The following PHLPP2 variants were observed in gnomAD, a reference collection of about 807,000 sequenced individuals.
PHLPP2 encodes the protein PH domain and leucine rich repeat protein phosphatase 2, also known as PH domain leucine-rich repeat-containing protein phosphatase 2.
PHLPP2 carries 66 observed loss-of-function variants against 124.9 expected under a neutral mutation model. The ratio of observed to expected loss-of-function variants is 0.53; its 90% CI spans 0.43 to 0.65. The LOEUF (loss-of-function observed/expected upper bound fraction) is 0.65. Among genes scored for constraint, PHLPP2 ranks in the 30% least tolerant of loss-of-function variants. PHLPP2 has a pLI of 0.00. For synonymous variants in PHLPP2, 681 were observed against 624.7 expected (o/e 1.09, Z -1.34); for missense variants, 1,685 against 1,600.4 (o/e 1.05, Z -0.90).
intron 1 of PHLPP2, among the ~76,000 whole-genome samples, chr16:71,721,302 C>A (rs2045396770): frequency 6.7e-6 from 1 of 149,260 alleles, no homozygotes; most frequent in Admixed American, 6.7e-5. Flanking sequence ...AGAGGCTCTG[C>A]CTCAAAAAAA....
At chr16:71,662,503 C>T (rs1044225163) in intron 13 of PHLPP2, among the ~76,000 whole-genome samples, 2 of 152,024 alleles carry the variant, frequency 1.3e-5, no homozygotes, top group South Asian at 2.1e-4. Flanking sequence ...AAGGTTGAGG[C>T]AGGAGAATCA....
At chr16:71,674,251 G>T (rs953405331) in intron 9 of PHLPP2, among the ~76,000 whole-genome samples, 1 of 151,894 alleles carries the variant, frequency 6.6e-6, no homozygotes, top group Middle Eastern at 3.2e-3. Flanking sequence ...CTAATTTTTT[G>T]TATTTTTAGT....
Position 71,678,545 on chromosome 16 carries a change from T to C in PHLPP2, c.1268+210A>G, listed in dbSNP as rs1235095007. 1.5e-5 allele frequency: 8 copies of C among 517,106 alleles called. No homozygotes were observed. The East Asian group carries it at 2.7e-4, about 17-fold the overall frequency. 32.0% of individuals were successfully genotyped at this position (517,106 alleles called of 1,614,324 possible). A position where few individuals can be genotyped will look rare whatever the true frequency, so the allele number is the denominator to read the frequency against. On this transcript the variant is annotated intron_variant, in intron 8 of 18. Coordinates refer to ENST00000568954, the MANE Select transcript of PHLPP2 (RefSeq NM_015020.3). ...GTCCCAACTACTCGGGAGGCTGAGG[T>C]GGGAGAATCGCCTGAGAACGGGAGG...
chr16:71,718,673 C>A lies in PHLPP2; in HGVS notation c.-6-3872G>T, dbSNP rs75197080. Among the ~76,000 whole-genome samples, 117 of 151,530 alleles carry A rather than the reference C, an allele frequency of 7.7e-4. 2 individuals are homozygous for A. Among genetic ancestry groups the A allele is most frequent in the Middle Eastern group, 3.4e-3 (1 of 292 alleles). ...TTGAGGTCAGGGGTTCAAGACCAGCCTGGGCAACATAGTGAAACCGCGTCT... is the reference window on the plus strand; with the variant it reads ...TTGAGGTCAGGGGTTCAAGACCAGCATGGGCAACATAGTGAAACCGCGTCT... On this transcript the variant is annotated intron_variant, in intron 1 of 18. Transcript: ENST00000568954.
chr16:71,667,352 A>G lies in PHLPP2; in HGVS notation c.1629-19T>C. On this transcript the variant is annotated intron_variant, in intron 11 of 18. Coordinates refer to ENST00000568954, the MANE Select transcript of PHLPP2 (RefSeq NM_015020.3). ...CAGAATTCTAAGGGGGGAGCATACAAACAAACACATTAAAAACTTACTTAA... is the reference window on the plus strand; with the variant it reads ...CAGAATTCTAAGGGGGGAGCATACAGACAAACACATTAAAAACTTACTTAA... 1 of 1,591,334 alleles carries G rather than the reference A, an allele frequency of 6.3e-7. No individual in the cohort carries two copies. The highest frequency in any genetic ancestry group is 8.6e-7 in the Non-Finnish European group (1 of 1,161,910).
intron 1 of PHLPP2, among the ~76,000 whole-genome samples, chr16:71,716,212 C>T (rs1366394355): frequency 2.6e-5 from 4 of 152,158 alleles, no homozygotes; most frequent in Non-Finnish European, 5.9e-5. Context: ...CTGTTGACAG[C>T]ATTCAGTTTG....
intron 2 of PHLPP2, 23 bp from the exon 3 acceptor site, chr16:71,702,754 T>A (rs767036785): frequency 1.4e-4 from 215 of 1,512,470 alleles, no homozygotes; most frequent in Non-Finnish European, 1.5e-4. Context: ...TTCAAAAAAA[T>A]ATATATATTT....
rs1338625690 is a variant in PHLPP2 at position 71,714,652 on chromosome 16, G to C, written c.144C>G (p.Thr48=). 4 of 1,613,342 alleles carry C rather than the reference G, an allele frequency of 2.5e-6. No homozygotes were observed. The highest frequency in any genetic ancestry group is 1.1e-5 in the South Asian group (1 of 91,030). Residue 48 remains threonine (T), a synonymous_variant, in exon 2 of 19, where the codon ACC becomes ACG. Coordinates refer to ENST00000568954, the MANE Select transcript of PHLPP2 (RefSeq NM_015020.3). Reference sequence around the variant, plus strand: ...AGGAGGAGGAAGAGGAAGAGGAGGTGGTGGTGGTTGTAGTGGCAGTGGTAG... The same window carrying C: ...AGGAGGAGGAAGAGGAAGAGGAGGTCGTGGTGGTTGTAGTGGCAGTGGTAG... ...ADTTTATTTT[T]TSSSSSSSSS... is the part of the protein sequence containing the mutation.
Position 71,678,919 on chromosome 16 carries a change from T to A in PHLPP2, c.1104A>T (p.Gln368His), listed in dbSNP as rs1325935743. The A allele has an allele frequency of 6.2e-7, 1 of 1,613,002 alleles. No individual in the cohort carries two copies. Among genetic ancestry groups the A allele is most frequent in the Admixed American group, 1.7e-5 (1 of 60,012 alleles). The change falls in exon 8 of 19, where the codon CAA becomes CAT. Residue 368 changes from glutamine to histidine, a missense_variant. By Grantham distance (24) the Gln-to-His change is conservative. Transcript: ENST00000568954. The part of the protein sequence containing the change: ...TTLPEELGNL[Q>H]QLSSLGISFN... ...AGGAAATTCCCAAGGAGGAAAGCTG[T>A]TGTAGATTTCCCAATTCTTCAGGTA...
chr16:71,681,855 C>T lies in PHLPP2; in HGVS notation c.786G>A (p.Glu262=). ...TATAGAAGAGATGCTCAGGAACCTCCTCGAGGCTGTAACACGAGAGATCCA... is the reference window on the plus strand; with the variant it reads ...TATAGAAGAGATGCTCAGGAACCTCTTCGAGGCTGTAACACGAGAGATCCA... ...STVDLSCYSL[E]EVPEHLFYSQ... The change falls in exon 6 of 19, where the codon GAG becomes GAA. Residue 262 remains glutamate (E), a synonymous_variant. Coordinates refer to ENST00000568954, the MANE Select transcript of PHLPP2 (RefSeq NM_015020.3). The T allele has an allele frequency of 6.2e-7, 1 of 1,613,752 alleles. No individual in the cohort carries two copies. Among genetic ancestry groups the T allele is most frequent in the Non-Finnish European group, 8.5e-7 (1 of 1,179,846 alleles).
At chr16:71,707,448 C>T (rs2045284369) in intron 2 of PHLPP2, among the ~76,000 whole-genome samples, 1 of 152,040 alleles carries the variant, frequency 6.6e-6, no homozygotes, top group Non-Finnish European at 1.5e-5. Context: ...CGGCTGGTCA[C>T]CAGAAAAGAC....
At chr16:71,720,690 C>A (rs989781998) in intron 1 of PHLPP2, among the ~76,000 whole-genome samples, 5 of 151,876 alleles carry the variant, frequency 3.3e-5, no homozygotes, top group African/African-American at 9.7e-5. Flanking sequence ...CATAGAGAAA[C>A]CCTGTCTCTA....
chr16:71,719,450 G>C (rs1419554324), intron 1 of PHLPP2, among the ~76,000 whole-genome samples: 1 of 152,222 alleles, frequency 6.6e-6, no homozygotes, highest in Non-Finnish European at 1.5e-5. Flanking sequence ...TGAGGCATGA[G>C]AATCGCTTGA....
In PHLPP2 at chr16:71,679,441, G is replaced by C. The variant is rs758755594; in HGVS notation, c.985C>G (p.Leu329Val). Residue 329 changes from leucine to valine, a missense_variant, in exon 7 of 19, where the codon CTT becomes GTT. Coordinates refer to ENST00000568954, the MANE Select transcript of PHLPP2 (RefSeq NM_015020.3). Reference protein sequence around the residue: ...CEISTLTELNLSCNGFHDLPS... With the variant: ...CEISTLTELNVSCNGFHDLPS... ...AGGTCATGAAATCCATTACAGGAAA[G>C]GTTGAGCTCAGTCAGGGTAGAGATC... The C allele has an allele frequency of 1.2e-6, 2 of 1,613,840 alleles. No individual in the cohort carries two copies. The highest frequency in any genetic ancestry group is 1.3e-5 in the African/African-American group (1 of 75,036).
At chr16:71,662,852 A>G (rs1414971752) in intron 13 of PHLPP2, among the ~76,000 whole-genome samples, 2 of 140,608 alleles carry the variant, frequency 1.4e-5, no homozygotes, top group East Asian at 4.3e-4. Flanking sequence ...ATGAGATCCC[A>G]TCTCTTAAAA....
chr16:71,680,464 G>C (rs1363786084), intron 6 of PHLPP2, among the ~76,000 whole-genome samples: 1 of 152,142 alleles, frequency 6.6e-6, no homozygotes, highest in Admixed American at 6.5e-5. Context: ...TATCTATATT[G>C]TCTTACCCAG....
At chr16:71,704,063 C>G (rs1403599902) in intron 2 of PHLPP2, among the ~76,000 whole-genome samples, 2 of 152,182 alleles carry the variant, frequency 1.3e-5, no homozygotes, top group African/African-American at 4.8e-5. Flanking sequence ...TGGCTCACGC[C>G]TGTAATCCCA....
At chr16:71,701,703 C>A (rs538743585) in intron 3 of PHLPP2, among the ~76,000 whole-genome samples, 174 of 152,188 alleles carry the variant, frequency 1.1e-3, no homozygotes, top group African/African-American at 4.0e-3. Flanking sequence ...CCCCCTGCCA[C>A]CTGTGGTCTT....
chr16:71,723,769 CT>C, intron 1 of PHLPP2: 2 of 1,330,656 alleles, frequency 1.5e-6, no homozygotes, highest in Non-Finnish European at 2.0e-6. Context: ...GCCTCCTCAC[CT>C]TCAGGACCCG....
Sources: gnomAD v4.1 joint callset for allele counts (sites outside exome capture counted in the v4.1 genomes callset) on GRCh38, gnomAD v4.1.1 for gene constraint, MANE v1.5 for transcripts, NCBI Gene and HGNC (gene_info 2026-07-23, HGNC 2026-07-21) for gene names.